The following EXOC1 variants were observed in gnomAD, a reference collection of about 807,000 sequenced individuals.
EXOC1 encodes exocyst complex component 1.
A neutral mutation model predicts 107.7 loss-of-function variants in EXOC1; 67 were observed. The observed-to-expected ratio is 0.62, with a 90% CI of 0.51 to 0.76. The LOEUF is 0.76. EXOC1 is among the 30% of genes least tolerant of loss of function. EXOC1 has a pLI of 0.00. For missense variants in EXOC1, 833 were observed against 1,055.7 expected, an observed-to-expected ratio of 0.79 and a Z score of 2.92; for synonymous variants, 348 against 353.5, an observed-to-expected ratio of 0.98 and a Z score of 0.17.
At chr4:55,864,867 C>A (rs368231159) in intron 4 of EXOC1, among the ~76,000 whole-genome samples, 19 of 152,208 alleles carry the variant, frequency 1.2e-4, no homozygotes, top group African/African-American at 4.6e-4. Flanking sequence ...GGGATAAATA[C>A]CCTTGTAGCA....
In EXOC1 at chr4:55,896,725, A is replaced by G; in HGVS notation, c.1962A>G (p.Gln654=). The G allele has an allele frequency of 1.2e-6, 2 of 1,603,536 alleles. No homozygotes were observed. The highest frequency in any genetic ancestry group is 1.8e-4 in the Middle Eastern group (1 of 5,554). ...TCTCTGCCTAACTTTAGAGTAACCA[A>G]ATAAGGCAAATGGAAGAAGTAAAGA... ...KRNFDKCISN[Q]IRQMEEVKIS... Residue 654 remains glutamine, a synonymous_variant, in exon 16 of 19, where the codon CAA becomes CAG. Coordinates refer to ENST00000381295, the MANE Select transcript of EXOC1 (RefSeq NM_001024924.2).
At chr4:55,890,542 A>C (rs1374514) in intron 12 of EXOC1, among the ~76,000 whole-genome samples, 156 bp downstream of exon 12, 7,041 of 152,038 alleles carry the variant, frequency 0.046, 463 homozygotes, top group Admixed American at 0.17. Context: ...AAAAAAAAAA[A>C]AAAAAACTAG....
At chr4:55,891,513 G>GA in intron 13 of EXOC1, 91 bp downstream of exon 13, 2 of 867,698 alleles carry the variant, frequency 2.3e-6, no homozygotes, top group Non-Finnish European at 3.6e-6. Flanking sequence ...GATCAGAAGA[G>GA]AAAAGGAAAG....
At chr4:55,902,099 G>T (rs1454830585) in intron 17 of EXOC1, 5 of 270,096 alleles carry the variant, frequency 1.9e-5, no homozygotes, top group East Asian at 6.3e-5. Flanking sequence ...AATATTAAAT[G>T]TAAAGTGGGA....
chr4:55,898,424 C>T (rs1009292702), intron 16 of EXOC1, among the ~76,000 whole-genome samples: 2 of 152,118 alleles, frequency 1.3e-5, no homozygotes, highest in Non-Finnish European at 2.9e-5. Context: ...TAGAGATATT[C>T]CCTCTGAAAT....
rs367651062 is a variant in EXOC1, at chr4:55,893,560, T to G, written c.1733T>G (p.Met578Arg). The change falls in exon 15 of 19, where the codon ATG (methionine) becomes AGG (arginine). Residue 578 changes from methionine to arginine, a missense_variant. Transcript: ENST00000381295. ...TPLPVSSEKD[M>R]IRQMMIKIFR... is the part of the protein sequence containing the mutation. The stretch of plus-strand genomic sequence containing the variant: ...GTCTGTTTTCTGAACAGGAAAGATA[T>G]GATCCGCCAAATGATGATTAAAATA... 6.2e-7 allele frequency: 1 copy of G among 1,612,918 alleles called. No individual in the cohort carries two copies. Among genetic ancestry groups the G allele is most frequent in the Non-Finnish European group, 8.5e-7 (1 of 1,179,888 alleles).
At chr4:55,866,935 A>C (rs1577702381) in intron 4 of EXOC1, 3 of 978,906 alleles carry the variant, frequency 3.1e-6, no homozygotes, top group Non-Finnish European at 3.6e-6. Flanking sequence ...TGTTTTTATT[A>C]GTTGCCTTTG....
intron 16 of EXOC1, among the ~76,000 whole-genome samples, chr4:55,897,822 G>A (rs1725420405): frequency 6.6e-6 from 1 of 152,136 alleles, no homozygotes; most frequent in Admixed American, 6.6e-5. Flanking sequence ...CACCATGTTG[G>A]CCAGACTTGT....
chr4:55,890,158 C>G, intron 11 of EXOC1, 65 bp from the exon 12 acceptor site: 1 of 1,508,908 alleles, frequency 6.6e-7, no homozygotes, highest in Non-Finnish European at 9.2e-7. Context: ...AGATCTATCC[C>G]TGCTTTATAC....
At chr4:55,872,888 C>T (rs901633431) in intron 8 of EXOC1, 27 of 448,608 alleles carry the variant, frequency 6.0e-5, no homozygotes, top group Non-Finnish European at 7.4e-5. Context: ...TAACAGCAGC[C>T]GAATCTTTAC....
Position 55,883,810 on chromosome 4 carries a change from CTTTTA to C in EXOC1, c.1225-7_1225-3del, listed in dbSNP as rs1723626385. 6 of 1,501,684 alleles carry C rather than the reference CTTTTA, an allele frequency of 4.0e-6. No individual in the cohort carries two copies. The Admixed American group carries it at 6.1e-5, about 15-fold the overall frequency. The allele number at this position is 1,501,684 out of a possible 1,614,324, so 93.0% of individuals were successfully genotyped here. A position where few individuals can be genotyped will look rare whatever the true frequency, so the allele number is the denominator to read the frequency against. On this transcript the variant is annotated splice_polypyrimidine_tract_variant and splice_region_variant and intron_variant, in intron 9 of 18. Transcript: ENST00000381295. ...TTTTATTAATAAGAAGTACATGTTA[CTTTTA>C]TTTTAAGAATTACATGGATTATTTA... is the stretch of plus-strand genomic sequence containing the variant.
intron 9 of EXOC1, among the ~76,000 whole-genome samples, chr4:55,881,223 G>A (rs1310364720): frequency 6.6e-6 from 1 of 152,040 alleles, no homozygotes; most frequent in African/African-American, 2.4e-5. Context: ...TGCTACCTTC[G>A]TCTGCAACTC....
intron 8 of EXOC1, chr4:55,877,270 C>A: frequency 8.1e-6 from 8 of 985,304 alleles, no homozygotes; most frequent in Non-Finnish European, 9.6e-6. Context: ...ACAGTTTTCA[C>A]AAAATGCTGA....
At chr4:55,877,541 C>G (rs1019982442) in intron 8 of EXOC1, 3 of 984,978 alleles carry the variant, frequency 3.0e-6, no homozygotes, top group Admixed American at 6.2e-5. Context: ...AATGATTTCT[C>G]TATTTGTGTT....
chr4:55,862,743 C>A (rs1378166109), intron 3 of EXOC1, among the ~76,000 whole-genome samples: 1 of 152,180 alleles, frequency 6.6e-6, no homozygotes, highest in African/African-American at 2.4e-5. Context: ...TCTGATATAA[C>A]TTCCCTTACT....
chr4:55,895,526 C>T (rs904228437), intron 15 of EXOC1, among the ~76,000 whole-genome samples: 1 of 152,076 alleles, frequency 6.6e-6, no homozygotes, highest in Non-Finnish European at 1.5e-5. Context: ...TTTTCTTATA[C>T]TAATGTCAGA....
chr4:55,881,934 G>A (rs1027102148), intron 9 of EXOC1, among the ~76,000 whole-genome samples: 3 of 151,912 alleles, frequency 2.0e-5, no homozygotes, highest in Non-Finnish European at 2.9e-5. Flanking sequence ...CTTGCTACTC[G>A]AAAGCCAAAC....
At chr4:55,879,086 G>A (rs1723153232) in intron 9 of EXOC1, among the ~76,000 whole-genome samples, 1 of 152,144 alleles carries the variant, frequency 6.6e-6, no homozygotes, top group Admixed American at 6.5e-5. Context: ...CTAAAATTCT[G>A]CACTTGGGGA....
intron 1 of EXOC1, among the ~76,000 whole-genome samples, chr4:55,856,343 G>T (rs1024846501): frequency 1.3e-5 from 2 of 152,220 alleles, no homozygotes; most frequent in Non-Finnish European, 2.9e-5. Flanking sequence ...TCCAGGCTAG[G>T]TTGGAAAAGA....
Sources: gnomAD v4.1 joint callset for allele counts (sites outside exome capture counted in the v4.1 genomes callset) on GRCh38, gnomAD v4.1.1 for gene constraint, MANE v1.5 for transcripts, NCBI Gene and HGNC (gene_info 2026-07-23, HGNC 2026-07-21) for gene names.